Variants in CPXM2 observed in about 807,000 individuals in gnomAD.
CPXM2 encodes the protein carboxypeptidase X, M14 family member 2, also known as inactive carboxypeptidase-like protein X2.
In CPXM2, 66 loss-of-function variants were observed where a neutral mutation model predicts 86.1. The observed-to-expected ratio is 0.77, with a 90% CI of 0.63 to 0.94. The LOEUF (loss-of-function observed/expected upper bound fraction) is 0.94. Ranked by LOEUF, CPXM2 falls within the 40% of genes least tolerant of loss-of-function variation. The pLI is 0.00. For synonymous variants in CPXM2, 388 were observed against 400.2 expected, an observed-to-expected ratio of 0.97 and a Z score of 0.36; for missense variants, 948 against 1,026.3, an observed-to-expected ratio of 0.92 and a Z score of 1.04.
At chr10:123,876,956 T>C (rs150722959) in intron 2 of CPXM2, among the ~76,000 whole-genome samples, 307 of 152,354 alleles carry the variant, frequency 2.0e-3, no homozygotes, top group African/African-American at 7.0e-3. Context: ...GTTAGTAACT[T>C]ATCCAAAGTC....
chr10:123,753,378 C>G (rs1245743196), intron 13 of CPXM2, among the ~76,000 whole-genome samples: 13 of 152,268 alleles, frequency 8.5e-5, no homozygotes, highest in South Asian at 2.1e-4. Context: ...ACTTTCTAAC[C>G]AGCAAAGAAC....
intron 2 of CPXM2, among the ~76,000 whole-genome samples, chr10:123,872,355 A>G (rs1944908457): frequency 6.6e-6 from 1 of 152,206 alleles, no homozygotes; most frequent in Non-Finnish European, 1.5e-5. Context: ...ATAAAAATAA[A>G]TGAACCATGC....
At chr10:123,778,694 T>C in intron 7 of CPXM2, among the ~76,000 whole-genome samples, 1 of 152,250 alleles carries the variant, frequency 6.6e-6, no homozygotes, top group East Asian at 1.9e-4. Context: ...TTAATTGCAC[T>C]GAGTTGATAT....
chr10:123,750,789 C>T, intron 13 of CPXM2: 1 of 985,438 alleles, frequency 1.0e-6, no homozygotes, highest in Non-Finnish European at 1.2e-6. Flanking sequence ...CATCTCAAAG[C>T]TTCTACTGCA....
At chr10:123,931,339 T>A (rs1945664693) in intron 2 of CPXM2, among the ~76,000 whole-genome samples, 1 of 152,230 alleles carries the variant, frequency 6.6e-6, no homozygotes, top group African/African-American at 2.4e-5. Flanking sequence ...GAAAAGTTAG[T>A]CTGTCCATGA....
At chr10:123,827,429 T>C (rs1848071148) in intron 4 of CPXM2, among the ~76,000 whole-genome samples, 1 of 152,134 alleles carries the variant, frequency 6.6e-6, no homozygotes, top group African/African-American at 2.4e-5. Context: ...ATAAATAAAA[T>C]AGTAGCAAAC....
At chr10:123,886,470 C>G (rs191211591) in intron 1 of CPXM2, among the ~76,000 whole-genome samples, 2 of 152,280 alleles carry the variant, frequency 1.3e-5, no homozygotes, top group African/African-American at 4.8e-5. Context: ...TGGTTATTTC[C>G]CCCTGCAACT....
intron 10 of CPXM2, among the ~76,000 whole-genome samples, chr10:123,765,414 ACT>A (rs1162760511): frequency 6.6e-6 from 1 of 152,140 alleles, no homozygotes; most frequent in Non-Finnish European, 1.5e-5. Flanking sequence ...ACATCCAGAG[ACT>A]CTGTACAGTT....
intron 2 of CPXM2, among the ~76,000 whole-genome samples, chr10:123,902,612 C>T (rs746626542): frequency 2.0e-5 from 3 of 152,112 alleles, no homozygotes; most frequent in African/African-American, 7.2e-5. Context: ...GGCAGCTCCT[C>T]GCTGCATCCT....
At position 123,767,063 on chromosome 10, in the gene CPXM2, G is replaced by C. The variant is rs762881077; in HGVS notation, c.1389C>G (p.Leu463=). The change falls in exon 10 of 14, where the codon CTC becomes CTG. Residue 463 remains leucine (L), a synonymous_variant. Coordinates refer to ENST00000241305, the MANE Select transcript of CPXM2 (RefSeq NM_198148.3). The part of the protein sequence containing the change: ...NNNFPDLNTL[L]WEAEDRQNVP... ...CATTCTGTCGATCCTCTGCCTCCCA[G>C]AGCAGCGTGTTTAAATCAGGAAAGT... 1.2e-6 allele frequency: 2 copies of C among 1,614,156 alleles called. No individual in the cohort carries two copies. Among genetic ancestry groups the C allele is most frequent in the East Asian group, 2.2e-5 (1 of 44,880 alleles).
chr10:123,918,768 T>C (rs573053916), intron 2 of CPXM2, among the ~76,000 whole-genome samples: 113 of 152,320 alleles, frequency 7.4e-4, no homozygotes, highest in African/African-American at 2.5e-3. Flanking sequence ...CATACAAGCA[T>C]GTAAAATTCT....
intron 2 of CPXM2, among the ~76,000 whole-genome samples, chr10:123,902,838 C>T (rs754120721): frequency 1.3e-5 from 2 of 152,178 alleles, no homozygotes; most frequent in African/African-American, 2.4e-5. Context: ...AGGCTCGCGG[C>T]TGTTGTCATT....
chr10:123,846,080 A>T (rs1848488682), intron 3 of CPXM2, among the ~76,000 whole-genome samples: 1 of 152,246 alleles, frequency 6.6e-6, no homozygotes, highest in African/African-American at 2.4e-5. Context: ...CTGAAGCAGC[A>T]GTCCCCAAAC....
chr10:123,765,973 T>C (rs1363947590), intron 10 of CPXM2, among the ~76,000 whole-genome samples: 1 of 152,238 alleles, frequency 6.6e-6, no homozygotes, highest in Non-Finnish European at 1.5e-5. Flanking sequence ...AATATAGCAT[T>C]TCCCAGCCTT....
chr10:123,905,208 AAAAG>A (rs1945427619), intron 2 of CPXM2, among the ~76,000 whole-genome samples: 2 of 152,344 alleles, frequency 1.3e-5, no homozygotes, highest in Non-Finnish European at 2.9e-5. Flanking sequence ...AAATGAAGAG[AAAAG>A]AATGAACCCC....
chr10:123,830,737 C>T (rs1848146988), intron 4 of CPXM2, among the ~76,000 whole-genome samples: 1 of 151,562 alleles, frequency 6.6e-6, no homozygotes, highest in Admixed American at 6.6e-5. Context: ...TCCAGGAGGG[C>T]TGGGCTTGCC....
rs1284025117 is a variant in CPXM2 at position 123,854,390 on chromosome 10, ATAT to A, written c.513+8221_513+8223del. 4.3e-3 allele frequency among the ~76,000 whole-genome samples: 510 copies of A among 119,672 alleles called. 6 individuals carry two copies. The highest frequency in any genetic ancestry group is 0.016 in the African/African-American group (484 of 29,952). The allele number at this position is 119,672 out of a possible 152,430, so 78.5% of individuals were successfully genotyped here. ...TATATATATAATATATATATAATAT[ATAT>A]ATTATATATATATTATATATAAAAT... is the stretch of plus-strand genomic sequence containing the variant. On this transcript the variant is annotated intron_variant, in intron 3 of 13. Coordinates refer to ENST00000241305, the MANE Select transcript of CPXM2 (RefSeq NM_198148.3).
chr10:123,781,794 A>G (rs1164653059), intron 6 of CPXM2, among the ~76,000 whole-genome samples: 1 of 152,120 alleles, frequency 6.6e-6, no homozygotes, highest in Non-Finnish European at 1.5e-5. Flanking sequence ...GCAGACATTC[A>G]CAGTTTGAGA....
intron 4 of CPXM2, among the ~76,000 whole-genome samples, chr10:123,833,424 C>T (rs1242975246): frequency 2.0e-5 from 3 of 152,198 alleles, no homozygotes; most frequent in Non-Finnish European, 4.4e-5. Flanking sequence ...AATTCAGTTG[C>T]CAGGCCTTTC....
Sources: allele counts gnomAD v4.1 joint callset (sites outside exome capture counted in the v4.1 genomes callset), GRCh38; gene constraint gnomAD v4.1.1; transcripts MANE v1.5; gene names NCBI Gene and HGNC (gene_info 2026-07-23, HGNC 2026-07-21).